The following PNPLA7 variants were observed in gnomAD, a reference collection of about 807,000 sequenced individuals.
The protein encoded by PNPLA7 is patatin like domain 7, lysophospholipase.
In PNPLA7, 153 loss-of-function variants were observed where a neutral mutation model predicts 161.7. That is an observed-to-expected ratio of 0.95 (90% CI 0.83 to 1.08). The LOEUF (loss-of-function observed/expected upper bound fraction) is 1.08. Ranked by LOEUF, PNPLA7 falls within the 50% of genes least tolerant of loss-of-function variation. PNPLA7 has a pLI of 0.00. For missense variants in PNPLA7, 1,739 were observed against 1,856.6 expected, an observed-to-expected ratio of 0.94 and a Z score of 1.16; for synonymous variants, 809 against 782.1, an observed-to-expected ratio of 1.03 and a Z score of -0.57.
rs1407084595 is a variant in PNPLA7, at chr9:137,463,435, C to T, written c.3323G>A (p.Gly1108Asp). Residue 1108 changes from glycine to aspartate, a missense_variant, in exon 29 of 35, where the codon GGC becomes GAC. By Grantham distance (94) the Gly-to-Asp change is moderately conservative. This residue lies in a region of PNPLA7 where 703 missense variants were observed against 694.6 expected (regional missense o/e 1.01). Coordinates refer to ENST00000406427, the MANE Select transcript of PNPLA7 (RefSeq NM_001098537.3). ...PKDGHLLMDG[G>D]YINNLPADVA... ...AGTACCTGGGAGGTTGTTGATGTAGCCCCCGTCCATCAGCAGGTGTCCGTC... is the reference window on the plus strand; with the variant it reads ...AGTACCTGGGAGGTTGTTGATGTAGTCCCCGTCCATCAGCAGGTGTCCGTC... 4 of 1,602,210 alleles carry T rather than the reference C, an allele frequency of 2.5e-6. No individual in the cohort carries two copies. The highest frequency in any genetic ancestry group is 1.3e-5 in the African/African-American group (1 of 74,764).
chr9:137,525,074 G>A (rs1296968676), intron 8 of PNPLA7, among the ~76,000 whole-genome samples: 1 of 152,232 alleles, frequency 6.6e-6, no homozygotes, highest in Non-Finnish European at 1.5e-5. Flanking sequence ...GAAGTTTCAG[G>A]AGGGAGCTGG....
rs747529203 is a variant in PNPLA7, at chr9:137,505,745, T to C, written c.1342A>G (p.Met448Val). 3.7e-6 allele frequency: 6 copies of C among 1,613,802 alleles called. No homozygotes were observed. Among genetic ancestry groups the C allele is most frequent in the Non-Finnish European group, 5.1e-6 (6 of 1,179,928 alleles). ...SVASKSRKSVMVAEIPSTVSQ... is the reference protein window; with the variant it reads ...SVASKSRKSVVVAEIPSTVSQ... Reference sequence around the variant, plus strand: ...ACCGTGGAGGGTATCTCTGCAACCATCACGCTTTTCCTGGACTGGAGAAGA... The same window carrying C: ...ACCGTGGAGGGTATCTCTGCAACCACCACGCTTTTCCTGGACTGGAGAAGA... The change falls in exon 14 of 35, where the codon ATG (methionine) becomes GTG (valine). Residue 448 changes from methionine (M) to valine (V), a missense_variant. Met to Val is a conservative substitution (Grantham distance 21). Transcript: ENST00000406427.
Position 137,480,988 on chromosome 9 carries a change from G to A in PNPLA7, c.2383C>T (p.Arg795Trp), listed in dbSNP as rs759637967. 7.7e-6 allele frequency: 12 copies of A among 1,551,630 alleles called. No individual in the cohort carries two copies. The highest frequency in any genetic ancestry group is 3.9e-5 in the Admixed American group (2 of 51,008). Residue 795 changes from arginine to tryptophan, a missense_variant, in exon 22 of 35, where the codon CGG (arginine) becomes TGG (tryptophan). By Grantham distance (101) the Arg-to-Trp change is moderately radical. This residue lies in a region of PNPLA7 where 192 missense variants were observed against 249.5 expected (regional missense o/e 0.77). Transcript: ENST00000406427. Reference protein sequence around the residue: ...TLLLTSDNIKRRLGSAALDSV... With the variant: ...TLLLTSDNIKWRLGSAALDSV... The stretch of plus-strand genomic sequence containing the variant: ...TCCAGGGCAGCGGAGCCAAGGCGCC[G>A]TTTTATGTTGTCACTAGTCAGCAGC...
In PNPLA7 at chr9:137,540,604, C is replaced by A; in HGVS notation, c.747+38G>T. On this transcript the variant is annotated intron_variant, in intron 8 of 34. Transcript: ENST00000406427. This position sits in a 1 kb window ranked among gnomAD's most constrained non-coding sequence, Gnocchi z 5.1. ...GAAAAACCAGGCCTCCGGGGCCAAC[C>A]CAGGGGCGCCCGGAGGGCCAGGCAG... 1.3e-6 allele frequency: 2 copies of A among 1,575,486 alleles called. No individual in the cohort carries two copies. The highest frequency in any genetic ancestry group is 2.3e-5 in the East Asian group (1 of 43,656).
intron 20 of PNPLA7, chr9:137,491,943 AGATGCAGGACACGCG>A (rs1832782995): frequency 1.0e-6 from 1 of 985,340 alleles, no homozygotes; most frequent in Non-Finnish European, 1.2e-6. Context: ...GCTGAGACGG[AGATGCAGGACACGCG>A]GGAGCAGCCA....
chr9:137,540,715 G>C lies in PNPLA7; in HGVS notation c.674C>G (p.Thr225Ser), dbSNP rs1836150541. 1.9e-6 allele frequency: 3 copies of C among 1,609,654 alleles called. No homozygotes were observed. In the South Asian group the frequency reaches 3.3e-5, roughly 18 times the overall value. The change falls in exon 8 of 35, where the codon ACC becomes AGC. Residue 225 changes from threonine (T) to serine (S), a missense_variant. Transcript: ENST00000406427. This position sits in a 1 kb window ranked among gnomAD's most constrained non-coding sequence, Gnocchi z 5.1. Reference protein sequence around the residue: ...LEVCIQDTDGTEVVVKEVLAG... With the variant: ...LEVCIQDTDGSEVVVKEVLAG... ...CAGAACCTCTTTCACCACCACCTCG[G>C]TGCCGTCCTGCGCTTGGAGAGCAGA...
intron 21 of PNPLA7, among the ~76,000 whole-genome samples, chr9:137,482,105 T>G (rs1180230122): frequency 1.2e-4 from 18 of 152,246 alleles, no homozygotes; most frequent in Admixed American, 1.2e-3. Context: ...TGGTGCGATG[T>G]GCAGCAGCCG....
At chr9:137,506,592 G>A (rs143535534) in intron 12 of PNPLA7, among the ~76,000 whole-genome samples, 4 of 152,146 alleles carry the variant, frequency 2.6e-5, no homozygotes, top group Non-Finnish European at 5.9e-5. Flanking sequence ...TCAGAGGTTC[G>A]CTCTTCGCAG....
In PNPLA7 at chr9:137,537,378, C is replaced by A. The variant is rs1341148777; in HGVS notation, c.747+3264G>T. ...CTGTCACCAGGCTGGAGTGCAGTGG[C>A]ACAATCTCAGCTCACTGCAACCTCC... On this transcript the variant is annotated intron_variant, in intron 8 of 34. Coordinates refer to ENST00000406427, the MANE Select transcript of PNPLA7 (RefSeq NM_001098537.3). This position sits in a 1 kb window ranked among gnomAD's most constrained non-coding sequence, Gnocchi z 4.5. Among the ~76,000 whole-genome samples the A allele has an allele frequency of 6.6e-6, 1 of 151,958 alleles. No individual in the cohort carries two copies. The highest frequency in any genetic ancestry group is 2.4e-5 in the African/African-American group (1 of 41,334).
Position 137,479,241 on chromosome 9 carries a change from G to A in PNPLA7, c.2581-3C>T. 1.3e-6 allele frequency: 2 copies of A among 1,526,516 alleles called. No homozygotes were observed. Among genetic ancestry groups the A allele is most frequent in the Non-Finnish European group, 1.8e-6 (2 of 1,131,550 alleles). The allele number at this position is 1,526,516 out of a possible 1,614,324, so 94.6% of individuals were successfully genotyped here. A position where few individuals can be genotyped will look rare whatever the true frequency, so the allele number is the denominator to read the frequency against. On this transcript the variant is annotated splice_region_variant and splice_polypyrimidine_tract_variant and intron_variant, in intron 23 of 34. Transcript: ENST00000406427. ...GTGCTCTCCAGCATCCGCTCCAGCT[G>A]AAAGGCAGAGCCCACGTGTCTGCCA...
At chr9:137,519,309 T>C (rs2132467460) in intron 11 of PNPLA7, among the ~76,000 whole-genome samples, 1 of 152,364 alleles carries the variant, frequency 6.6e-6, no homozygotes, top group East Asian at 1.9e-4. Flanking sequence ...GACCGCTTCC[T>C]CCTCAGATTC....
intron 25 of PNPLA7, among the ~76,000 whole-genome samples, chr9:137,470,065 C>T (rs905592161): frequency 6.6e-6 from 1 of 151,930 alleles, no homozygotes; most frequent in African/African-American, 2.4e-5. Flanking sequence ...TAGCTCTCAC[C>T]CAGGCTGGAG....
rs772402209 is a variant in PNPLA7 at position 137,546,879 on chromosome 9, A to G, written c.224T>C (p.Phe75Ser). ...AAACATCACTTTGTCTCTCTTCCGG[A>G]ACCGGTACTGAGGAGTGGGCTGTGC... ...RQAQPTPQYR[F>S]RKRDKVMFYG... Residue 75 changes from phenylalanine to serine, a missense_variant, in exon 4 of 35, where the codon TTC becomes TCC. By Grantham distance (155) the Phe-to-Ser change is radical. Around this residue, in one of 6 missense-constraint regions of PNPLA7, gnomAD observed 209 missense variants for 252.8 expected, o/e 0.83. Transcript: ENST00000406427. 6.2e-7 allele frequency: 1 copy of G among 1,613,928 alleles called. No homozygotes were observed. The highest frequency in any genetic ancestry group is 1.1e-5 in the South Asian group (1 of 91,092).
chr9:137,537,712 G>A lies in PNPLA7; in HGVS notation c.747+2930C>T, dbSNP rs1303771007. Among the ~76,000 whole-genome samples the A allele has an allele frequency of 3.3e-5, 5 of 152,080 alleles. No individual in the cohort carries two copies. The highest frequency in any genetic ancestry group is 1.3e-4 in the Admixed American group (2 of 15,268). ...GACACCAACGCGGATGAGACGGATCGCAGCAGCTGAGAGGAACCCGGCCCG... is the reference window on the plus strand; with the variant it reads ...GACACCAACGCGGATGAGACGGATCACAGCAGCTGAGAGGAACCCGGCCCG... On this transcript the variant is annotated intron_variant, in intron 8 of 34. Coordinates refer to ENST00000406427, the MANE Select transcript of PNPLA7 (RefSeq NM_001098537.3). This position sits in a 1 kb window ranked among gnomAD's most constrained non-coding sequence, Gnocchi z 4.5.
At chr9:137,542,601 T>G (rs759684006) in intron 7 of PNPLA7, 41 bp downstream of exon 7, 3 of 1,502,190 alleles carry the variant, frequency 2.0e-6, no homozygotes, top group Non-Finnish European at 2.7e-6. Flanking sequence ...TGGAGGTAAA[T>G]GCGCAGCCGC....
intron 4 of PNPLA7, among the ~76,000 whole-genome samples, chr9:137,545,170 C>T (rs973069292): frequency 6.6e-6 from 1 of 152,142 alleles, no homozygotes; most frequent in Non-Finnish European, 1.5e-5. Context: ...GCTGCTTATT[C>T]CCCAGATCGG....
Position 137,543,825 on chromosome 9 carries a change from CAAGG to C in PNPLA7, c.274-14_274-11del. 1 of 1,610,284 alleles carries C rather than the reference CAAGG, an allele frequency of 6.2e-7. No individual in the cohort carries two copies. The highest frequency in any genetic ancestry group is 1.1e-5 in the South Asian group (1 of 90,998). On this transcript the variant is annotated splice_polypyrimidine_tract_variant and intron_variant, in intron 4 of 34. Coordinates refer to ENST00000406427, the MANE Select transcript of PNPLA7 (RefSeq NM_001098537.3). This position sits in a 1 kb window ranked among gnomAD's most constrained non-coding sequence, Gnocchi z 6.9. ...TGGGGAGTGTGGTCACCTGCAGAGC[CAAGG>C]GAGAGACCAGCCACTGACCCTGCAA...
chr9:137,465,219 C>G lies in PNPLA7; in HGVS notation c.3040-763G>C, dbSNP rs1461354885. Among the ~76,000 whole-genome samples the G allele has an allele frequency of 2.0e-5, 3 of 152,180 alleles. No individual in the cohort carries two copies. The East Asian group carries it at 5.8e-4, about 29-fold the overall frequency. ...AGGCAGAGGAGACCCCGGTCCTTCCCTGAGGAAGCCCCTGCCCAGTACCAG... is the reference window on the plus strand; with the variant it reads ...AGGCAGAGGAGACCCCGGTCCTTCCGTGAGGAAGCCCCTGCCCAGTACCAG... On this transcript the variant is annotated intron_variant, in intron 26 of 34. Coordinates refer to ENST00000406427, the MANE Select transcript of PNPLA7 (RefSeq NM_001098537.3).
chr9:137,517,128 C>A (rs1334171920), intron 11 of PNPLA7, among the ~76,000 whole-genome samples: 24 of 144,954 alleles, frequency 1.7e-4, no homozygotes, highest in East Asian at 4.3e-4. Flanking sequence ...CCACTCTGTC[C>A]ACTCCATCCC....
Sources: gnomAD v4.1 joint callset for allele counts (sites outside exome capture counted in the v4.1 genomes callset) on GRCh38, gnomAD v4.1.1 for gene constraint, gnomAD v4.1.1 regional missense constraint, Gnocchi (gnomAD v3.1) non-coding constraint, MANE v1.5 for transcripts, NCBI Gene and HGNC (gene_info 2026-07-23, HGNC 2026-07-21) for gene names.